Variants in ZNF131 observed in about 807,000 individuals in gnomAD.
ZNF131 encodes zinc finger and BTB domain containing 35, also known as zinc finger protein 131.
A neutral mutation model predicts 60.0 loss-of-function variants in ZNF131; 7 were observed. The ratio of observed to expected loss-of-function variants is 0.12; its 90% CI spans 0.07 to 0.22. The LOEUF is 0.22. Among genes scored for constraint, ZNF131 ranks in the 10% least tolerant of loss-of-function variants. The probability of loss-of-function intolerance (pLI) is 1.00; values close to 1 mark genes in which losing one functional copy is unlikely to be tolerated. For synonymous variants in ZNF131, 257 were observed against 253.2 expected, an observed-to-expected ratio of 1.01 and a Z score of -0.14; for missense variants, 493 against 740.9, an observed-to-expected ratio of 0.67 and a Z score of 3.88.
chr5:43,132,436 C>T (rs1745470763), intron 3 of ZNF131, among the ~76,000 whole-genome samples: 1 of 151,674 alleles, frequency 6.6e-6, no homozygotes, highest in Non-Finnish European at 1.5e-5. Flanking sequence ...TTCTGAATTG[C>T]CCCAGATCAC....
intron 5 of ZNF131, among the ~76,000 whole-genome samples, chr5:43,171,573 T>G (rs1465223409): frequency 6.6e-6 from 1 of 152,144 alleles, no homozygotes; most frequent in East Asian, 1.9e-4. Flanking sequence ...AAAAGAATGC[T>G]ATTATTGACA....
chr5:43,141,942 G>A (rs71627580), intron 4 of ZNF131, among the ~76,000 whole-genome samples: 14,753 of 152,102 alleles, frequency 0.097, 851 homozygotes, highest in East Asian at 0.19. Flanking sequence ...TTATAATAAT[G>A]CAGTGTTTAA....
In ZNF131 at chr5:43,143,521, C is replaced by T. The variant is rs562443057; in HGVS notation, c.371+4212C>T. The stretch of plus-strand genomic sequence containing the variant: ...GAACTAGTTTAGATGAGCCAGACAT[C>T]GTTTCTTATTGTTGTTACTGGTTTA... On this transcript the variant is annotated intron_variant, in intron 4 of 6. Transcript: ENST00000682664. 84 of 727,658 alleles carry T rather than the reference C, an allele frequency of 1.2e-4. 1 individual carries two copies. In the South Asian group the frequency reaches 1.2e-3, roughly 10 times the overall value. 45.1% of individuals were successfully genotyped at this position (727,658 alleles called of 1,614,324 possible).
intron 3 of ZNF131, among the ~76,000 whole-genome samples, chr5:43,127,904 C>G (rs1318059164): frequency 6.6e-6 from 1 of 152,216 alleles, no homozygotes; most frequent in Admixed American, 6.5e-5. Context: ...ATCCATGGCA[C>G]TTAGTTTCTC....
chr5:43,126,798 G>T (rs1744612501), intron 3 of ZNF131, among the ~76,000 whole-genome samples: 1 of 152,150 alleles, frequency 6.6e-6, no homozygotes, highest in Non-Finnish European at 1.5e-5. Flanking sequence ...GCAGACTCAG[G>T]ATTGGGGCTT....
At position 43,175,428 on chromosome 5, in the gene ZNF131, T is replaced by G; in HGVS notation, c.*295T>G. On this transcript the variant is annotated 3_prime_UTR_variant, in exon 7 of 7. Transcript: ENST00000682664. ...ACGAATGTATCTATTTTCATTGTGG[T>G]AAAAGTTCTTCCTTTTCTCTTTCCC... The G allele has an allele frequency of 1.4e-6, 1 of 697,068 alleles. No individual in the cohort carries two copies. Among genetic ancestry groups the G allele is most frequent in the Non-Finnish European group, 2.6e-6 (1 of 384,238 alleles). The allele number at this position is 697,068 out of a possible 1,614,324, so 43.2% of individuals were successfully genotyped here.
chr5:43,173,208 T>G (rs1751215440), intron 5 of ZNF131, 110 bp from the exon 6 acceptor site: 2 of 1,144,686 alleles, frequency 1.7e-6, no homozygotes, highest in Non-Finnish European at 2.4e-6. Context: ...GATTTCTCCT[T>G]TTAGGAATTT....
chr5:43,153,816 G>C (rs919295936), intron 4 of ZNF131, among the ~76,000 whole-genome samples: 3 of 152,094 alleles, frequency 2.0e-5, no homozygotes, highest in Non-Finnish European at 4.4e-5. Context: ...TCAGATTTTT[G>C]GACAAAGAGG....
intron 3 of ZNF131, among the ~76,000 whole-genome samples, chr5:43,135,889 G>A (rs2112223779): frequency 6.6e-6 from 1 of 152,234 alleles, no homozygotes; most frequent in Non-Finnish European, 1.5e-5. Flanking sequence ...AGGCCGAGGC[G>A]GGCATATCAC....
At chr5:43,139,380 C>T (rs551478024) in intron 4 of ZNF131, 71 bp downstream of exon 4, 4 of 1,366,130 alleles carry the variant, frequency 2.9e-6, no homozygotes, top group East Asian at 2.6e-5. Flanking sequence ...GAAGAACTTA[C>T]AGTATGTGTC....
chr5:43,150,805 G>C (rs1748210667), intron 4 of ZNF131, among the ~76,000 whole-genome samples: 1 of 152,072 alleles, frequency 6.6e-6, no homozygotes, highest in Non-Finnish European at 1.5e-5. Flanking sequence ...ACAGGGACCA[G>C]GACCTAATCC....
chr5:43,170,525 C>A (rs1750848390), intron 5 of ZNF131, among the ~76,000 whole-genome samples: 1 of 152,156 alleles, frequency 6.6e-6, no homozygotes. Context: ...TTCCTAATTG[C>A]TATTTCAGAG....
rs1554071236 is a variant in ZNF131, at chr5:43,173,745, A to AT, written c.1185+299dup. On this transcript the variant is annotated intron_variant, in intron 6 of 6. Coordinates refer to ENST00000682664, the MANE Select transcript of ZNF131 (RefSeq NM_001330707.2). ...GTGGAAGCATTTCAGCTGTAATTAGATTCCCCCCCCATGATTAGTGTATTT... is the reference window on the plus strand; with the variant it reads ...GTGGAAGCATTTCAGCTGTAATTAGATTTCCCCCCCCATGATTAGTGTATTT... Among the ~76,000 whole-genome samples the AT allele has an allele frequency of 1.9e-3, 264 of 137,532 alleles. 1 individual carries two copies. The highest frequency in any genetic ancestry group is 4.5e-3 in the Middle Eastern group (1 of 224). The allele number at this position is 137,532 out of a possible 152,430, so 90.2% of individuals were successfully genotyped here. A position where few individuals can be genotyped will look rare whatever the true frequency, so the allele number is the denominator to read the frequency against.
chr5:43,139,075 G>A (rs1441741344), intron 3 of ZNF131, 90 bp from the exon 4 acceptor site: 1 of 1,122,026 alleles, frequency 8.9e-7, no homozygotes, highest in African/African-American at 1.6e-5. Flanking sequence ...TACTCAACAA[G>A]CTCCAAGCCC....
intron 3 of ZNF131, among the ~76,000 whole-genome samples, chr5:43,130,125 A>G (rs1191226592): frequency 3.3e-5 from 5 of 151,536 alleles, no homozygotes; most frequent in African/African-American, 1.2e-4. Context: ...TTAGCCGGAC[A>G]TGGCAGCGCG....
Position 43,175,719 on chromosome 5 carries a change from T to TTAA in ZNF131, c.*586_*587insTAA, listed in dbSNP as rs770240391. ...GGTGGTGGCAAAATTTCTAGAATGT[T>TTAA]AAAAAAAAAAAAAAATCCACACCCA... On this transcript the variant is annotated 3_prime_UTR_variant, in exon 7 of 7. Transcript: ENST00000682664. 3.8e-4 allele frequency: 86 copies of TTAA among 226,024 alleles called. No homozygotes were observed. The highest frequency in any genetic ancestry group is 6.2e-4 in the South Asian group (8 of 12,938). 14.0% of individuals were successfully genotyped at this position (226,024 alleles called of 1,614,324 possible).
intron 4 of ZNF131, among the ~76,000 whole-genome samples, chr5:43,151,528 G>T (rs1246937049): frequency 6.6e-6 from 1 of 151,928 alleles, no homozygotes; most frequent in Non-Finnish European, 1.5e-5. Context: ...TCTGCCTTCT[G>T]GGCTCAAGCA....
chr5:43,121,456 G>C (rs1743790087), intron 1 of ZNF131: 1 of 152,460 alleles, frequency 6.6e-6, no homozygotes, highest in African/African-American at 2.4e-5. Context: ...GGCGTGGCCC[G>C]TTCCCTTGCT....
chr5:43,126,168 T>C lies in ZNF131; in HGVS notation c.226+2858T>C, dbSNP rs919308696. 3.9e-5 allele frequency among the ~76,000 whole-genome samples: 6 copies of C among 152,346 alleles called. No homozygotes were observed. In the East Asian group the frequency reaches 9.6e-4, roughly 24 times the overall value. On this transcript the variant is annotated intron_variant, in intron 3 of 6. Coordinates refer to ENST00000682664, the MANE Select transcript of ZNF131 (RefSeq NM_001330707.2). ...TTTGTGTGCTGTGTGACCTTAGATA[T>C]CTTGGCTTCCTTATTTTTCATGTCA... is the stretch of plus-strand genomic sequence containing the variant.
Sources: gnomAD v4.1 joint callset for allele counts (sites outside exome capture counted in the v4.1 genomes callset) on GRCh38, gnomAD v4.1.1 for gene constraint, MANE v1.5 for transcripts, NCBI Gene and HGNC (gene_info 2026-07-23, HGNC 2026-07-21) for gene names.